The following ZFHX3 variants were observed in gnomAD, a reference collection of about 807,000 sequenced individuals.
The protein encoded by ZFHX3 is zinc finger homeobox protein 3.
A neutral mutation model predicts 279.1 loss-of-function variants in ZFHX3; 42 were observed. That is an observed-to-expected ratio of 0.15 (90% confidence interval 0.12 to 0.19). ZFHX3 has a LOEUF of 0.19. Among genes scored for constraint, ZFHX3 ranks in the 10% least tolerant of loss-of-function variants. The pLI is 1.00. For synonymous variants in ZFHX3, 2,293 were observed against 1,957.8 expected (o/e 1.17, Z -4.52); for missense variants, 4,981 against 4,754.0 (o/e 1.05, Z -1.40).
chr16:72,935,505 C>G (rs1438923935), intron 3 of ZFHX3, among the ~76,000 whole-genome samples: 1 of 152,112 alleles, frequency 6.6e-6, no homozygotes, highest in Non-Finnish European at 1.5e-5. Context: ...TTTTGGGAGG[C>G]AGAGGCAGGC....
intron 3 of ZFHX3, chr16:73,401,349 TAAAACAA>T (rs139674218): frequency 3.2e-4 from 37 of 115,156 alleles, no homozygotes; most frequent in Middle Eastern, 4.5e-3. Context: ...CAGGTACATT[TAAAACAA>T]AAAACAAAAA....
intron 2 of ZFHX3, among the ~76,000 whole-genome samples, chr16:73,556,006 A>G (rs2020276660): frequency 6.6e-6 from 1 of 152,206 alleles, no homozygotes; most frequent in Non-Finnish European, 1.5e-5. Context: ...AAATGCAGAC[A>G]CAGTGTTTTC....
chr16:73,174,519 T>G (rs1412576105), intron 5 of ZFHX3, among the ~76,000 whole-genome samples: 1 of 152,092 alleles, frequency 6.6e-6, no homozygotes, highest in Admixed American at 6.5e-5. Context: ...GCATCCTCAC[T>G]GCTTGGGCTG....
At chr16:73,528,157 G>C (rs1341768976) in intron 2 of ZFHX3, among the ~76,000 whole-genome samples, 1 of 152,164 alleles carries the variant, frequency 6.6e-6, no homozygotes, top group Non-Finnish European at 1.5e-5. Context: ...CAAGGATTTG[G>C]TTCTGTTCGT....
intron 2 of ZFHX3, among the ~76,000 whole-genome samples, chr16:73,485,308 A>G (rs1232299233): frequency 6.6e-6 from 1 of 152,046 alleles, no homozygotes; most frequent in Non-Finnish European, 1.5e-5. Flanking sequence ...ATCCCATTTC[A>G]GTAGACAAGG....
intron 1 of ZFHX3, among the ~76,000 whole-genome samples, chr16:72,961,595 C>G (rs1322141507): frequency 6.6e-6 from 1 of 151,982 alleles, no homozygotes; most frequent in Middle Eastern, 3.2e-3. Context: ...GGTTTGATCT[C>G]ACTTCCCTCC....
intron 3 of ZFHX3, among the ~76,000 whole-genome samples, chr16:72,895,082 C>T (rs988094876): frequency 5.9e-5 from 9 of 152,182 alleles, no homozygotes; most frequent in South Asian, 2.1e-4. Flanking sequence ...GGGTTTGTTT[C>T]GGTTTGAGTC....
At chr16:72,965,131 G>C (rs989551868) in intron 1 of ZFHX3, among the ~76,000 whole-genome samples, 3 of 152,134 alleles carry the variant, frequency 2.0e-5, no homozygotes, top group African/African-American at 4.8e-5. Context: ...TGCCCGCCTC[G>C]GCCTCCCAAA....
chr16:72,892,548 C>T (rs538559234), intron 3 of ZFHX3, among the ~76,000 whole-genome samples: 401 of 150,146 alleles, frequency 2.7e-3, no homozygotes, highest in Non-Finnish European at 4.0e-3. Flanking sequence ...CACTCTGTTG[C>T]CCATGCTGGA....
At chr16:73,349,530 G>A (rs748836572) in intron 3 of ZFHX3, among the ~76,000 whole-genome samples, 3 of 152,132 alleles carry the variant, frequency 2.0e-5, no homozygotes, top group Non-Finnish European at 2.9e-5. Context: ...GAGATAAGGA[G>A]TACAGATGTT....
At chr16:73,471,244 A>G (rs2018660964) in intron 2 of ZFHX3, among the ~76,000 whole-genome samples, 1 of 152,234 alleles carries the variant, frequency 6.6e-6, no homozygotes, top group Non-Finnish European at 1.5e-5. Flanking sequence ...TTTTACAAAA[A>G]GGCAAGTGGA....
chr16:73,399,033 A>ATT (rs531100796), intron 3 of ZFHX3, among the ~76,000 whole-genome samples: 20,344 of 139,444 alleles, frequency 0.15, 1,679 homozygotes, highest in Middle Eastern at 0.24. Context: ...CCCCCCGCTA[A>ATT]TTTTTTTTTT....
rs138174057 is a variant in ZFHX3, at chr16:73,641,417, G to A, written c.-1547+38763C>T. 3.0e-4 allele frequency among the ~76,000 whole-genome samples: 45 copies of A among 152,202 alleles called. 1 individual carries two copies. The highest frequency in any genetic ancestry group is 2.4e-4 in the Non-Finnish European group (16 of 68,018). Reference sequence around the variant, plus strand: ...AGACATGCGGCCCCCTGAAGTGCACGCTTACATATTGTCCCACAGATCTGA... The same window carrying A: ...AGACATGCGGCCCCCTGAAGTGCACACTTACATATTGTCCCACAGATCTGA... On this transcript the variant is annotated intron_variant, in intron 2 of 17. Coordinates refer to the ZFHX3 transcript ENST00000641206.
intron 1 of ZFHX3, among the ~76,000 whole-genome samples, chr16:73,031,409 G>GA (rs1212695816): frequency 3.3e-5 from 5 of 152,170 alleles, no homozygotes; most frequent in African/African-American, 1.2e-4. Flanking sequence ...GGTCGGGGAA[G>GA]AAAGAGAGGG....
chr16:73,418,464 G>A (rs2143484102), intron 3 of ZFHX3, among the ~76,000 whole-genome samples: 1 of 152,346 alleles, frequency 6.6e-6, no homozygotes, highest in East Asian at 1.9e-4. Context: ...TGTTCAGGCT[G>A]TGTTTGTTCT....
At chr16:72,915,595 C>T (rs952593732) in intron 3 of ZFHX3, among the ~76,000 whole-genome samples, 5 of 145,724 alleles carry the variant, frequency 3.4e-5, no homozygotes, top group Admixed American at 2.7e-4. Flanking sequence ...CCAGTCTCTA[C>T]AAAAAATAAA....
At chr16:73,461,160 T>A (rs764932555) in intron 2 of ZFHX3, among the ~76,000 whole-genome samples, 2 of 152,244 alleles carry the variant, frequency 1.3e-5, no homozygotes, top group African/African-American at 2.4e-5. Flanking sequence ...GCTAATGATG[T>A]TGAACATTTT....
chr16:72,795,234 G>C lies in ZFHX3; in HGVS notation c.7448C>G (p.Pro2483Arg). ...QLVSLPSLPQPPPQAPPPQCP... is the reference protein window; with the variant it reads ...QLVSLPSLPQRPPQAPPPQCP... Reference sequence around the variant, plus strand: ...CTGTGGAGGGGGCGCTTGTGGAGGAGGCTGTGGCAACGAAGGCAGGGACAC... The same window carrying C: ...CTGTGGAGGGGGCGCTTGTGGAGGACGCTGTGGCAACGAAGGCAGGGACAC... The change falls in exon 9 of 10, where the codon CCT becomes CGT. Residue 2483 changes from proline to arginine, a missense_variant. Transcript: ENST00000268489. 6.2e-7 allele frequency: 1 copy of C among 1,610,410 alleles called. No individual in the cohort carries two copies. The highest frequency in any genetic ancestry group is 8.5e-7 in the Non-Finnish European group (1 of 1,177,938).
chr16:73,402,492 A>C (rs2017276247), intron 3 of ZFHX3: 1 of 152,258 alleles, frequency 6.6e-6, no homozygotes. Flanking sequence ...ATGGCTACAA[A>C]AGTCTTTAAA....
Sources: allele counts gnomAD v4.1 joint callset (sites outside exome capture counted in the v4.1 genomes callset), GRCh38; gene constraint gnomAD v4.1.1; transcripts MANE v1.5; gene names NCBI Gene and HGNC (gene_info 2026-07-23, HGNC 2026-07-21).